The following CTIF variants were observed in gnomAD, a reference collection of about 807,000 sequenced individuals.
CTIF encodes CBP80/20-dependent translation initiation factor.
CTIF carries 21 observed loss-of-function variants against 66.0 expected under a neutral mutation model. The ratio of observed to expected loss-of-function variants is 0.32; its 90% CI spans 0.23 to 0.46. The LOEUF (loss-of-function observed/expected upper bound fraction) is 0.46, where lower values mean the gene tolerates loss of function less well. Among genes scored for constraint, CTIF ranks in the 20% least tolerant of loss-of-function variants. CTIF has a pLI of 1.00. For synonymous variants in CTIF, 345 were observed against 326.4 expected, an observed-to-expected ratio of 1.06 and a Z score of -0.62; for missense variants, 739 against 812.7, an observed-to-expected ratio of 0.91 and a Z score of 1.10.
chr18:48,719,758 C>G (rs968650337), intron 7 of CTIF, among the ~76,000 whole-genome samples: 1 of 152,140 alleles, frequency 6.6e-6, no homozygotes, highest in Non-Finnish European at 1.5e-5. Context: ...CATTTTTGTG[C>G]TTTTCCTTGG....
chr18:48,623,906 C>T (rs1436947779), intron 2 of CTIF, among the ~76,000 whole-genome samples: 3 of 148,602 alleles, frequency 2.0e-5, no homozygotes, highest in Non-Finnish European at 4.4e-5. Flanking sequence ...GATAGACAGA[C>T]AGATAGATAA....
At chr18:48,701,423 C>T (rs1291522281) in intron 6 of CTIF, among the ~76,000 whole-genome samples, 2 of 152,166 alleles carry the variant, frequency 1.3e-5, no homozygotes, top group African/African-American at 4.8e-5. Flanking sequence ...GCCTAAGTGG[C>T]CTGTGTTCAA....
chr18:48,564,036 T>C (rs1031094131), intron 1 of CTIF, among the ~76,000 whole-genome samples: 2 of 152,210 alleles, frequency 1.3e-5, no homozygotes, highest in Non-Finnish European at 2.9e-5. Flanking sequence ...GCTCTCTATA[T>C]GGCTGCTTTC....
At chr18:48,725,912 A>G (rs1425919000) in intron 7 of CTIF, among the ~76,000 whole-genome samples, 1 of 152,028 alleles carries the variant, frequency 6.6e-6, no homozygotes, top group Non-Finnish European at 1.5e-5. Flanking sequence ...GAGCCACACC[A>G]GGGCCCTTAT....
intron 1 of CTIF, among the ~76,000 whole-genome samples, chr18:48,574,426 T>G (rs2089485552): frequency 6.6e-6 from 1 of 152,226 alleles, no homozygotes; most frequent in African/African-American, 2.4e-5. Context: ...AAAATTAATG[T>G]CTTAAAACGA....
At chr18:48,747,187 A>C (rs1293100006) in intron 7 of CTIF, among the ~76,000 whole-genome samples, 1 of 152,232 alleles carries the variant, frequency 6.6e-6, no homozygotes, top group Non-Finnish European at 1.5e-5. Flanking sequence ...GGCCAGCCTG[A>C]GAAGCAATAT....
At position 48,543,468 on chromosome 18, in the gene CTIF, C is replaced by A. The variant is rs116619516; in HGVS notation, c.-29+4156C>A. Among the ~76,000 whole-genome samples, 678 of 152,316 alleles carry A rather than the reference C, an allele frequency of 4.5e-3. 4 individuals are homozygous for A. The highest frequency in any genetic ancestry group is 0.014 in the African/African-American group (593 of 41,556). On this transcript the variant is annotated intron_variant, in intron 1 of 11. Transcript: ENST00000256413. ...GGTTTTCTTTTGCCCCTGCCTCCCGCTGTGTGCGGTTTAATTTAGAACCTT... is the reference window on the plus strand; with the variant it reads ...GGTTTTCTTTTGCCCCTGCCTCCCGATGTGTGCGGTTTAATTTAGAACCTT...
rs947663425 is a variant in CTIF at position 48,619,433 on chromosome 18, A to C, written c.-28-105A>C. On this transcript the variant is annotated intron_variant, in intron 1 of 11. Coordinates refer to ENST00000256413, the MANE Select transcript of CTIF (RefSeq NM_014772.3). Reference sequence around the variant, plus strand: ...GTTGTTGGAAGAACAGAACGCCATGATGGATAAGAAGATGCTTCCAGGAGC... The same window carrying C: ...GTTGTTGGAAGAACAGAACGCCATGCTGGATAAGAAGATGCTTCCAGGAGC... 1.3e-5 allele frequency: 9 copies of C among 711,760 alleles called. No homozygotes were observed. In the African/African-American group the frequency reaches 1.6e-4, roughly 13 times the overall value. The allele number at this position is 711,760 out of a possible 1,614,324, so 44.1% of individuals were successfully genotyped here.
rs75065140 is a variant in CTIF at position 48,670,949 on chromosome 18, C to T, written c.507+205C>T. Among the ~76,000 whole-genome samples the T allele has an allele frequency of 6.8e-3, 1,042 of 152,284 alleles. 11 individuals carry two copies. Among genetic ancestry groups the T allele is most frequent in the African/African-American group, 0.024 (1,009 of 41,556 alleles). ...GTGATCGTGTGTGTGACAGCCTACT[C>T]GGTGATGCTGCAGGCCCTGCTGGCA... On this transcript the variant is annotated intron_variant, in intron 6 of 11. Coordinates refer to ENST00000256413, the MANE Select transcript of CTIF (RefSeq NM_014772.3).
chr18:48,698,034 T>C (rs956345994), intron 6 of CTIF, among the ~76,000 whole-genome samples: 49 of 133,700 alleles, frequency 3.7e-4, no homozygotes, highest in African/African-American at 1.1e-3. Flanking sequence ...CCAGGAACCA[T>C]GTGGCACTGC....
rs964217763 is a variant in CTIF, at chr18:48,561,819, C to A, written c.-29+22507C>A. ...TTCCAGCTGTGTCAGATAATTACCC[C>A]CACTCTATTTTTCTCATCGGTAAAA... On this transcript the variant is annotated intron_variant, in intron 1 of 11. Coordinates refer to ENST00000256413, the MANE Select transcript of CTIF (RefSeq NM_014772.3). 7.9e-5 allele frequency among the ~76,000 whole-genome samples: 12 copies of A among 152,302 alleles called. No individual in the cohort carries two copies. In the South Asian group the frequency reaches 2.1e-3, roughly 26 times the overall value.
chr18:48,592,924 C>A (rs1021045354), intron 1 of CTIF, among the ~76,000 whole-genome samples: 2 of 152,192 alleles, frequency 1.3e-5, no homozygotes, highest in African/African-American at 4.8e-5. Flanking sequence ...CAGGCTGCCG[C>A]GGATCAGGGA....
At chr18:48,715,187 G>A (rs1352076841) in intron 7 of CTIF, among the ~76,000 whole-genome samples, 2 of 152,176 alleles carry the variant, frequency 1.3e-5, no homozygotes, top group African/African-American at 4.8e-5. Context: ...GTGGTCACCT[G>A]CAGACTCTGC....
intron 10 of CTIF, among the ~76,000 whole-genome samples, chr18:48,855,010 C>T (rs1053056922): frequency 9.9e-5 from 15 of 152,120 alleles, no homozygotes; most frequent in Admixed American, 3.3e-4. Flanking sequence ...GCATTTCCAC[C>T]GCCCCGGAGC....
In CTIF at chr18:48,707,384, C is replaced by T. The variant is rs551237898; in HGVS notation, c.508-4235C>T. Reference sequence around the variant, plus strand: ...TCCAGATTTCAGGAACGTATTGGTCCTTCCTGTCATTGGGTGCCACTTGTC... The same window carrying T: ...TCCAGATTTCAGGAACGTATTGGTCTTTCCTGTCATTGGGTGCCACTTGTC... On this transcript the variant is annotated intron_variant, in intron 6 of 11. Transcript: ENST00000256413. Among the ~76,000 whole-genome samples, 22 of 152,282 alleles carry T rather than the reference C, an allele frequency of 1.4e-4. 1 individual carries two copies. The South Asian group carries it at 4.6e-3, about 32-fold the overall frequency.
At chr18:48,635,290 CTTTTTCTTT>C (rs1330655108) in intron 2 of CTIF, among the ~76,000 whole-genome samples, 3 of 137,960 alleles carry the variant, frequency 2.2e-5, no homozygotes, top group African/African-American at 7.7e-5. Context: ...CTTCCCTCTG[CTTTTTCTTT>C]TTTTTCTTTT....
chr18:48,788,202 G>T (rs545877436), intron 9 of CTIF, among the ~76,000 whole-genome samples: 3 of 152,182 alleles, frequency 2.0e-5, no homozygotes, highest in Non-Finnish European at 4.4e-5. Context: ...CCCAGAAGAG[G>T]GGTAGGAAAG....
intron 1 of CTIF, among the ~76,000 whole-genome samples, chr18:48,585,091 C>A (rs2089737737): frequency 6.6e-6 from 1 of 152,198 alleles, no homozygotes; most frequent in Admixed American, 6.5e-5. Flanking sequence ...AGGGTGAGGC[C>A]TGCGGATGGG....
chr18:48,599,811 G>A lies in CTIF; in HGVS notation c.-28-19727G>A, dbSNP rs1022693570. Among the ~76,000 whole-genome samples the A allele has an allele frequency of 5.9e-5, 9 of 152,338 alleles. No homozygotes were observed. The South Asian group carries it at 6.2e-4, about 11-fold the overall frequency. ...CATGTGCTGGAGTTAGGAGGCGAAAGGGTGACCCCTGTGTCTTGCGTAGAT... is the reference window on the plus strand; with the variant it reads ...CATGTGCTGGAGTTAGGAGGCGAAAAGGTGACCCCTGTGTCTTGCGTAGAT... On this transcript the variant is annotated intron_variant, in intron 1 of 11. Coordinates refer to ENST00000256413, the MANE Select transcript of CTIF (RefSeq NM_014772.3).
Sources: gnomAD v4.1 joint callset for allele counts (sites outside exome capture counted in the v4.1 genomes callset) on GRCh38, gnomAD v4.1.1 for gene constraint, MANE v1.5 for transcripts, NCBI Gene and HGNC (gene_info 2026-07-23, HGNC 2026-07-21) for gene names.